The following TULP4 variants were observed in gnomAD, a reference collection of about 807,000 sequenced individuals.
TULP4 encodes the protein tubby-related protein 4.
TULP4 carries 16 observed loss-of-function variants against 129.0 expected under a neutral mutation model. The ratio of observed to expected loss-of-function variants is 0.12; its 90% CI spans 0.08 to 0.19. The LOEUF (loss-of-function observed/expected upper bound fraction) is 0.19. TULP4 is among the 10% of genes least tolerant of loss of function. The pLI is 1.00. For missense variants in TULP4, 1,842 were observed against 2,059.1 expected (o/e 0.89, Z 2.04); for synonymous variants, 998 against 854.0 (o/e 1.17, Z -2.94).
intron 3 of TULP4, among the ~76,000 whole-genome samples, chr6:158,433,330 A>G (rs1320635687): frequency 6.6e-6 from 1 of 152,224 alleles, no homozygotes; most frequent in Non-Finnish European, 1.5e-5. Context: ...GAATACTTTA[A>G]AGGTAACATA....
intron 1 of TULP4, among the ~76,000 whole-genome samples, chr6:158,240,361 C>T (rs1208630078): frequency 6.2e-5 from 5 of 81,038 alleles, no homozygotes; most frequent in Non-Finnish European, 1.4e-4. Flanking sequence ...CCCCCACCTC[C>T]CTCCCGGACC....
chr6:158,502,196 C>T lies in TULP4; in HGVS notation c.2533C>T (p.Pro845Ser). The T allele has an allele frequency of 6.5e-7, 1 of 1,527,340 alleles. No homozygotes were observed. 94.6% of individuals were successfully genotyped at this position (1,527,340 alleles called of 1,614,324 possible). ...GTACCCAGGAACCATCCCCGCTGCCCCCACCACAGCAGCACCCCCGCCCCC... is the reference window on the plus strand; with the variant it reads ...GTACCCAGGAACCATCCCCGCTGCCTCCACCACAGCAGCACCCCCGCCCCC... ...PPYPGTIPAAPTTAAPPPPLP... is the reference protein window; with the variant it reads ...PPYPGTIPAASTTAAPPPPLP... Residue 845 changes from proline to serine, a missense_variant, in exon 13 of 14, where the codon CCC becomes TCC. Physicochemically the swap from Pro to Ser is moderately conservative, Grantham distance 74 (BLOSUM62 -1). This residue lies in a region of TULP4 where 1,089 missense variants were observed against 987.1 expected (regional missense o/e 1.10). Coordinates refer to ENST00000367097, the MANE Select transcript of TULP4 (RefSeq NM_020245.5).
chr6:158,276,009 A>G (rs1384207944), intron 1 of TULP4, among the ~76,000 whole-genome samples: 1 of 152,004 alleles, frequency 6.6e-6, no homozygotes, highest in Non-Finnish European at 1.5e-5. Flanking sequence ...TTGCTCTGTC[A>G]CTCAGGCTGG....
chr6:158,255,411 G>C (rs917016532), intron 1 of TULP4, among the ~76,000 whole-genome samples: 3 of 152,152 alleles, frequency 2.0e-5, no homozygotes, highest in Admixed American at 1.3e-4. Context: ...ATCCTGACTG[G>C]TTTCAGCTAG....
At chr6:158,335,399 A>G (rs1297152929) in intron 1 of TULP4, among the ~76,000 whole-genome samples, 2 of 152,142 alleles carry the variant, frequency 1.3e-5, no homozygotes, top group African/African-American at 4.8e-5. Flanking sequence ...TTCATTTAAA[A>G]TACAGTTGTT....
chr6:158,289,885 A>G (rs1778901955), intron 1 of TULP4, among the ~76,000 whole-genome samples: 1 of 152,150 alleles, frequency 6.6e-6, no homozygotes, highest in Non-Finnish European at 1.5e-5. Context: ...CCAGACTAAC[A>G]TAAGCATTTA....
intron 1 of TULP4, among the ~76,000 whole-genome samples, chr6:158,325,583 A>G (rs568809130): frequency 1.1e-3 from 161 of 151,772 alleles, no homozygotes; most frequent in African/African-American, 3.8e-3. Flanking sequence ...CAATCTCCTG[A>G]CCTCGTGATC....
At chr6:158,289,551 CTTTTA>C (rs1397374510) in intron 1 of TULP4, among the ~76,000 whole-genome samples, 1 of 151,958 alleles carries the variant, frequency 6.6e-6, no homozygotes, top group Admixed American at 6.6e-5. Context: ...ACAGTTTCTT[CTTTTA>C]TAACATAAGT....
intron 1 of TULP4, among the ~76,000 whole-genome samples, chr6:158,243,548 A>C (rs1056221826): frequency 1.8e-4 from 27 of 151,314 alleles, no homozygotes; most frequent in Middle Eastern, 6.9e-3. Context: ...TAGGTTCTCT[A>C]TCTTTTTTTT....
At chr6:158,391,201 G>GT (rs1777577617) in intron 1 of TULP4, among the ~76,000 whole-genome samples, 2 of 152,172 alleles carry the variant, frequency 1.3e-5, no homozygotes, top group South Asian at 4.1e-4. Context: ...TGGGGGGCAG[G>GT]TAAGGGATGG....
At chr6:158,369,890 C>G (rs946076020) in intron 1 of TULP4, among the ~76,000 whole-genome samples, 17 of 151,940 alleles carry the variant, frequency 1.1e-4, no homozygotes, top group African/African-American at 3.9e-4. Context: ...GATGCACATT[C>G]AAAAAATAAA....
At chr6:158,273,777 G>T (rs935711983) in intron 1 of TULP4, among the ~76,000 whole-genome samples, 4 of 152,214 alleles carry the variant, frequency 2.6e-5, no homozygotes, top group African/African-American at 9.6e-5. Flanking sequence ...GAGGTAGGTT[G>T]TGGTAATAGT....
At chr6:158,238,981 T>C (rs1777785462) in intron 1 of TULP4, among the ~76,000 whole-genome samples, 2 of 141,668 alleles carry the variant, frequency 1.4e-5, no homozygotes, top group South Asian at 2.3e-4. Flanking sequence ...GCAGAGGGGC[T>C]CCTCACTTCC....
At chr6:158,311,298 C>G (rs1779345792), upstream of TULP4, among the ~76,000 whole-genome samples, 1 of 152,080 alleles carries the variant, frequency 6.6e-6, no homozygotes, top group Non-Finnish European at 1.5e-5. Flanking sequence ...TCAGCTGCCC[C>G]AGGAGACTGA....
upstream of TULP4, among the ~76,000 whole-genome samples, chr6:158,307,604 C>T (rs541639000): frequency 6.6e-6 from 1 of 152,184 alleles, no homozygotes; most frequent in African/African-American, 2.4e-5. Context: ...GCCTCAGCCT[C>T]CTGAGTAGCT....
intron 2 of TULP4, among the ~76,000 whole-genome samples, chr6:158,423,425 T>C (rs1342308703): frequency 6.6e-6 from 1 of 152,202 alleles, no homozygotes; most frequent in East Asian, 1.9e-4. Context: ...TCAAGATTGC[T>C]AGAAGAGAAA....
Position 158,503,432 on chromosome 6 carries a change from C to G in TULP4, c.3769C>G (p.Pro1257Ala). The G allele has an allele frequency of 6.2e-7, 1 of 1,614,022 alleles. No individual in the cohort carries two copies. ...SSTCSSLQLPPVALHPWSSYS... is the reference protein window; with the variant it reads ...SSTCSSLQLPAVALHPWSSYS... ...CACGTGCTCTAGTTTACAGCTGCCA[C>G]CTGTCGCCTTGCATCCATGGAGTTC... The change falls in exon 13 of 14, where the codon CCT becomes GCT. Residue 1257 changes from proline (P) to alanine (A), a missense_variant. Physicochemically the swap from Pro to Ala is conservative, Grantham distance 27. Coordinates refer to ENST00000367097, the MANE Select transcript of TULP4 (RefSeq NM_020245.5). The surrounding 1 kb of genome is among the most constrained non-coding windows in gnomAD (Gnocchi z 4.3).
At chr6:158,237,959 A>G in intron 1 of TULP4, 1 of 728,998 alleles carries the variant, frequency 1.4e-6, no homozygotes, top group Non-Finnish European at 2.5e-6. Context: ...TCCCGCCCAT[A>G]TTTGAGCTTG....
intron 1 of TULP4, among the ~76,000 whole-genome samples, chr6:158,241,400 G>A (rs1289004955): frequency 7.1e-6 from 1 of 140,034 alleles, no homozygotes; most frequent in African/African-American, 2.5e-5. Context: ...AGGCGGCTGG[G>A]AGGTGTAGGT....
Sources: gnomAD v4.1 joint callset for allele counts (sites outside exome capture counted in the v4.1 genomes callset) on GRCh38, gnomAD v4.1.1 for gene constraint, gnomAD v4.1.1 regional missense constraint, Gnocchi (gnomAD v3.1) non-coding constraint, MANE v1.5 for transcripts, NCBI Gene and HGNC (gene_info 2026-07-23, HGNC 2026-07-21) for gene names.